The following FAM135B variants were observed in gnomAD, a reference collection of about 807,000 sequenced individuals.
FAM135B encodes the protein protein FAM135B.
FAM135B carries 43 observed loss-of-function variants against 127.7 expected under a neutral mutation model. The observed-to-expected ratio is 0.34, with a 90% confidence interval of 0.26 to 0.43. The LOEUF (loss-of-function observed/expected upper bound fraction) is 0.43. FAM135B is among the 20% of genes least tolerant of loss of function. The probability of loss-of-function intolerance (pLI) is 1.00; values close to 1 mark genes in which losing one functional copy is unlikely to be tolerated. For synonymous variants in FAM135B, 670 were observed against 665.1 expected, an observed-to-expected ratio of 1.01 and a Z score of -0.11; for missense variants, 1,558 against 1,725.6, an observed-to-expected ratio of 0.90 and a Z score of 1.72.
rs564244275 is a variant in FAM135B at position 138,359,725 on chromosome 8, T to C, written c.77+8182A>G. ...AATCACTGGCAAGCAAAGATAATTG[T>C]ATTTCTGAGTCTATTAAGGCACATT... On this transcript the variant is annotated intron_variant, in intron 2 of 19. Coordinates refer to ENST00000395297, the MANE Select transcript of FAM135B (RefSeq NM_015912.4). Among the ~76,000 whole-genome samples, 4 of 152,284 alleles carry C rather than the reference T, an allele frequency of 2.6e-5. No individual in the cohort carries two copies. The South Asian group carries it at 8.3e-4, about 32-fold the overall frequency.
intron 1 of FAM135B, among the ~76,000 whole-genome samples, chr8:138,448,930 C>G (rs1301763647): frequency 6.6e-6 from 1 of 151,964 alleles, no homozygotes; most frequent in Non-Finnish European, 1.5e-5. Context: ...TATGGGAACC[C>G]CTCTTTATAC....
At chr8:138,312,784 C>T (rs1563886528) in intron 2 of FAM135B, among the ~76,000 whole-genome samples, 1 of 152,198 alleles carries the variant, frequency 6.6e-6, no homozygotes, top group Non-Finnish European at 1.5e-5. Flanking sequence ...GGGAGCCAGG[C>T]TTCCATCCCT....
intron 2 of FAM135B, among the ~76,000 whole-genome samples, chr8:138,318,057 T>G (rs1253246647): frequency 6.6e-6 from 1 of 152,226 alleles, no homozygotes; most frequent in Non-Finnish European, 1.5e-5. Flanking sequence ...TCAATGGCAA[T>G]GACAACAGCA....
In FAM135B at chr8:138,265,797, T is replaced by C. The variant is rs752863709; in HGVS notation, c.203A>G (p.His68Arg). ...HSACVHDSTVHSRVFQILYRN... is the reference protein window; with the variant it reads ...HSACVHDSTVRSRVFQILYRN... ...GTATAAGATCTGAAAGACCCGGCTG[T>C]GCACGGTGCTGTCATGGACACAGGC... Residue 68 changes from histidine (H) to arginine (R), a missense_variant, in exon 4 of 20, where the codon CAC becomes CGC. His to Arg is a conservative substitution (Grantham distance 29, BLOSUM62 0). Around this residue, in one of 5 missense-constraint regions of FAM135B, gnomAD observed 199 missense variants for 245.7 expected, o/e 0.81. Transcript: ENST00000395297. 8 of 1,613,936 alleles carry C rather than the reference T, an allele frequency of 5.0e-6. No homozygotes were observed. The highest frequency in any genetic ancestry group is 6.8e-6 in the Non-Finnish European group (8 of 1,180,008).
chr8:138,152,059 G>C lies in FAM135B; in HGVS notation c.2416C>G (p.Gln806Glu), dbSNP rs144837598. 115 of 1,613,972 alleles carry C rather than the reference G, an allele frequency of 7.1e-5. 2 individuals are homozygous for C. In the African/African-American group the frequency reaches 1.4e-3, roughly 20 times the overall value. Reference sequence around the variant, plus strand: ...TGAGAGCAAGATCCTGGGGAACCTTGGCTCTTGCTGTGCATATCTGAAGGT... The same window carrying C: ...TGAGAGCAAGATCCTGGGGAACCTTCGCTCTTGCTGTGCATATCTGAAGGT... ...AEPSDMHSKS[Q>E]GSPGSCSQLC... Residue 806 changes from glutamine to glutamate, a missense_variant, in exon 13 of 20, where the codon CAA becomes GAA. Gln to Glu is a conservative substitution (Grantham distance 29, BLOSUM62 2). Coordinates refer to ENST00000395297, the MANE Select transcript of FAM135B (RefSeq NM_015912.4).
intron 1 of FAM135B, chr8:138,441,910 CA>C (rs1442196520): frequency 6.6e-6 from 1 of 150,820 alleles, no homozygotes; most frequent in Non-Finnish European, 1.5e-5. Context: ...AATTACAGAG[CA>C]AAAGAGAGAG....
intron 4 of FAM135B, among the ~76,000 whole-genome samples, chr8:138,259,011 C>A (rs1822334845): frequency 6.6e-6 from 1 of 152,166 alleles, no homozygotes; most frequent in South Asian, 2.1e-4. Context: ...TATCATTATA[C>A]ATATACTATT....
rs926397076 is a variant in FAM135B at position 138,493,990 on chromosome 8, A to C, written c.-20+2681T>G. Among the ~76,000 whole-genome samples the C allele has an allele frequency of 3.8e-5, 3 of 79,466 alleles. No individual in the cohort carries two copies. In the African/African-American group the frequency reaches 1.2e-3, roughly 31 times the overall value. The allele number at this position is 79,466 out of a possible 152,430, so 52.1% of individuals were successfully genotyped here. On this transcript the variant is annotated intron_variant, in intron 1 of 19. Transcript: ENST00000395297. Reference sequence around the variant, plus strand: ...TCAAGGAAAGAAATTGAAGCGAGAAAAAGATATTTCAAGTTTAAAATATTC... The same window carrying C: ...TCAAGGAAAGAAATTGAAGCGAGAACAAGATATTTCAAGTTTAAAATATTC...
intron 3 of FAM135B, among the ~76,000 whole-genome samples, chr8:138,268,915 G>A (rs1171126129): frequency 2.6e-5 from 4 of 152,148 alleles, no homozygotes; most frequent in South Asian, 2.1e-4. Flanking sequence ...TTGGTACCAC[G>A]CATAACAAGA....
chr8:138,411,351 C>A (rs1001035114), intron 1 of FAM135B, among the ~76,000 whole-genome samples: 1 of 152,120 alleles, frequency 6.6e-6, no homozygotes, highest in East Asian at 1.9e-4. Flanking sequence ...CTACAACTAT[C>A]TGATGACAAA....
chr8:138,361,994 T>C (rs1830448784), intron 2 of FAM135B, among the ~76,000 whole-genome samples: 2 of 152,146 alleles, frequency 1.3e-5, no homozygotes, highest in Non-Finnish European at 2.9e-5. Flanking sequence ...TTAATTTTTG[T>C]GGGTACATAG....
intron 11 of FAM135B, among the ~76,000 whole-genome samples, chr8:138,171,398 C>T (rs927559298): frequency 3.9e-5 from 6 of 152,136 alleles, no homozygotes; most frequent in African/African-American, 1.4e-4. Flanking sequence ...TTGTGATGTC[C>T]ACTTACCCTG....
rs145835316 is a variant in FAM135B at position 138,168,529 on chromosome 8, T to C, written c.1104-480A>G. 6.7e-3 allele frequency among the ~76,000 whole-genome samples: 1,026 copies of C among 152,310 alleles called. 9 individuals carry two copies. The highest frequency in any genetic ancestry group is 0.023 in the African/African-American group (943 of 41,576). On this transcript the variant is annotated intron_variant, in intron 11 of 19. Transcript: ENST00000395297. ...CCTTTTCTATTGATTATTACATGGA[T>C]AGTGGCATCCTGGATGAAGGTATAA... is the stretch of plus-strand genomic sequence containing the variant.
intron 1 of FAM135B, among the ~76,000 whole-genome samples, chr8:138,382,654 A>G (rs369460835): frequency 5.5e-4 from 83 of 152,292 alleles, no homozygotes; most frequent in African/African-American, 1.9e-3. Context: ...AAACCAAAGA[A>G]TTTATACATA....
In FAM135B at chr8:138,141,362, A is replaced by C; in HGVS notation, c.3639-13T>G. On this transcript the variant is annotated splice_polypyrimidine_tract_variant and intron_variant, in intron 16 of 19. Transcript: ENST00000395297. This position sits in a 1 kb window ranked among gnomAD's most constrained non-coding sequence, Gnocchi z 4.7. ...ATGGCCAATGAAGCTGTGGAGAAACAGAAGGGGTACCCATGAGTGTGACGG... is the reference window on the plus strand; with the variant it reads ...ATGGCCAATGAAGCTGTGGAGAAACCGAAGGGGTACCCATGAGTGTGACGG... 6.2e-7 allele frequency: 1 copy of C among 1,614,014 alleles called. No homozygotes were observed. Among genetic ancestry groups the C allele is most frequent in the South Asian group, 1.1e-5 (1 of 91,054 alleles).
At chr8:138,457,460 T>C (rs1400919857) in intron 1 of FAM135B, among the ~76,000 whole-genome samples, 1 of 152,040 alleles carries the variant, frequency 6.6e-6, no homozygotes, top group East Asian at 1.9e-4. Context: ...CCCTGAGGCT[T>C]AGCAATTTCA....
chr8:138,177,512 G>T (rs1014748029), intron 10 of FAM135B, 92 bp from the exon 11 acceptor site: 2 of 1,144,140 alleles, frequency 1.7e-6, no homozygotes, highest in Non-Finnish European at 2.5e-6. Flanking sequence ...AAAGATGAAT[G>T]ATATTTCCTA....
intron 1 of FAM135B, among the ~76,000 whole-genome samples, chr8:138,370,460 GTTTGTT>G (rs1325711933): frequency 6.6e-6 from 1 of 152,042 alleles, no homozygotes; most frequent in Non-Finnish European, 1.5e-5. Flanking sequence ...TTGTTTGTTT[GTTTGTT>G]TTTGAGATGG....
chr8:138,257,266 G>A (rs1028022), intron 4 of FAM135B, among the ~76,000 whole-genome samples: 112,718 of 151,864 alleles, frequency 0.74, 42,999 homozygotes, highest in East Asian at 0.98. Context: ...TTGGGAAAGT[G>A]GTCACTTCTT....
Sources: gnomAD v4.1 joint callset for allele counts (sites outside exome capture counted in the v4.1 genomes callset) on GRCh38, gnomAD v4.1.1 for gene constraint, gnomAD v4.1.1 regional missense constraint, Gnocchi (gnomAD v3.1) non-coding constraint, MANE v1.5 for transcripts, NCBI Gene and HGNC (gene_info 2026-07-23, HGNC 2026-07-21) for gene names.